Variants in ADAMTSL1 observed in about 807,000 individuals in gnomAD.
ADAMTSL1 encodes ADAMTS like 1.
Under a neutral mutation model 201.8 loss-of-function variants are expected in ADAMTSL1, and 126 were observed. The ratio of observed to expected loss-of-function variants is 0.62; its 90% CI spans 0.54 to 0.72. ADAMTSL1 has a LOEUF of 0.72. Among genes scored for constraint, ADAMTSL1 ranks in the 30% least tolerant of loss-of-function variants. The pLI is 0.00. For synonymous variants in ADAMTSL1, 1,121 were observed against 903.4 expected, an observed-to-expected ratio of 1.24 and a Z score of -4.32; for missense variants, 2,679 against 2,277.8, an observed-to-expected ratio of 1.18 and a Z score of -3.59.
chr9:18,179,804 C>A (rs201393799), intron 2 of ADAMTSL1, among the ~76,000 whole-genome samples: 2 of 151,246 alleles, frequency 1.3e-5, no homozygotes, highest in Non-Finnish European at 3.0e-5. Flanking sequence ...GAAATAAAAT[C>A]CTTTACAGAC....
chr9:18,325,832 C>A lies in ADAMTSL1; in HGVS notation c.207+161851C>A, dbSNP rs183071665. Among the ~76,000 whole-genome samples the A allele has an allele frequency of 4.4e-3, 665 of 152,264 alleles. 2 individuals are homozygous for A. The highest frequency in any genetic ancestry group is 0.024 in the Middle Eastern group (7 of 294). ...CTCTGCTCACTGCAACCTCCGCCCC[C>A]AGGATTCAAGCGATTCTCCTGCCTC... On this transcript the variant is annotated intron_variant, in intron 2 of 29. Coordinates refer to the ADAMTSL1 transcript ENST00000680146.
intron 1 of ADAMTSL1, among the ~76,000 whole-genome samples, chr9:18,134,654 C>A (rs1471993796): frequency 6.6e-6 from 1 of 152,114 alleles, no homozygotes. Context: ...CAAAACTTGC[C>A]AGTGGGTGTG....
intron 2 of ADAMTSL1, among the ~76,000 whole-genome samples, chr9:18,520,108 T>C (rs1818603087): frequency 6.6e-6 from 1 of 152,184 alleles, no homozygotes; most frequent in Non-Finnish European, 1.5e-5. Context: ...ATTTGAAACT[T>C]AAAGGACAAA....
At chr9:18,271,232 GA>G (rs1166123704) in intron 2 of ADAMTSL1, among the ~76,000 whole-genome samples, 2 of 152,124 alleles carry the variant, frequency 1.3e-5, no homozygotes, top group Non-Finnish European at 2.9e-5. Context: ...TGCACAACGT[GA>G]AGGTTTGTTA....
At chr9:18,602,088 T>A (rs890268396) in intron 4 of ADAMTSL1, among the ~76,000 whole-genome samples, 6 of 152,236 alleles carry the variant, frequency 3.9e-5, no homozygotes, top group African/African-American at 1.4e-4. Context: ...ATAAGAAATG[T>A]CTTCCTAGTT....
chr9:18,351,211 G>A (rs1019039062), intron 2 of ADAMTSL1, among the ~76,000 whole-genome samples: 8 of 150,772 alleles, frequency 5.3e-5, no homozygotes, highest in African/African-American at 2.0e-4. Flanking sequence ...AGCAGGTCAG[G>A]TTCCTTGGGA....
intron 15 of ADAMTSL1, among the ~76,000 whole-genome samples, chr9:18,741,044 G>A (rs945553413): frequency 1.3e-5 from 2 of 151,998 alleles, no homozygotes; most frequent in African/African-American, 4.8e-5. Flanking sequence ...TAGACTCTGT[G>A]CCCCAAGGAA....
intron 2 of ADAMTSL1, among the ~76,000 whole-genome samples, chr9:18,287,568 T>C (rs536041034): frequency 6.7e-6 from 1 of 149,302 alleles, no homozygotes; most frequent in African/African-American, 2.5e-5. Context: ...AAATATTACA[T>C]ATATGTAAAT....
At chr9:18,298,421 A>G (rs923021869) in intron 2 of ADAMTSL1, among the ~76,000 whole-genome samples, 15 of 152,312 alleles carry the variant, frequency 9.8e-5, no homozygotes, top group African/African-American at 3.4e-4. Context: ...GCTGCTTTGA[A>G]TCCAGTAGCA....
intron 13 of ADAMTSL1, among the ~76,000 whole-genome samples, chr9:18,695,516 A>T (rs1178749294): frequency 6.6e-6 from 1 of 152,230 alleles, no homozygotes; most frequent in Non-Finnish European, 1.5e-5. Flanking sequence ...TCCAGGTCAC[A>T]TCTGGAACAC....
intron 1 of ADAMTSL1, among the ~76,000 whole-genome samples, chr9:17,940,728 G>GAAAAAAAAAAAAAAAAA (rs201856497): frequency 1.3e-5 from 1 of 79,454 alleles, no homozygotes; most frequent in Admixed American, 1.6e-4. Flanking sequence ...AAAAAAAAAA[G>GAAAAAAAAAAAAAAAAA]AAAAAAAAGA....
chr9:18,443,056 G>C (rs1787793566), intron 2 of ADAMTSL1, among the ~76,000 whole-genome samples: 1 of 152,098 alleles, frequency 6.6e-6, no homozygotes, highest in Admixed American at 6.6e-5. Flanking sequence ...CATTGCCACT[G>C]ACATCTGCTT....
At chr9:18,823,771 C>G (rs1824360498) in intron 21 of ADAMTSL1, among the ~76,000 whole-genome samples, 1 of 152,188 alleles carries the variant, frequency 6.6e-6, no homozygotes, top group Admixed American at 6.5e-5. Flanking sequence ...GGTGGATCAT[C>G]TGAGGTCAGG....
At chr9:18,165,268 G>T (rs1827582597) in intron 2 of ADAMTSL1, among the ~76,000 whole-genome samples, 1 of 151,810 alleles carries the variant, frequency 6.6e-6, no homozygotes, top group African/African-American at 2.4e-5. Context: ...TTTATGCAAA[G>T]TCCTGGCAAG....
chr9:18,438,727 C>T (rs916619827), intron 2 of ADAMTSL1, among the ~76,000 whole-genome samples: 6 of 152,182 alleles, frequency 3.9e-5, no homozygotes, highest in African/African-American at 1.4e-4. Flanking sequence ...TCCTCCGCAG[C>T]TAGTGAGGAC....
At chr9:18,549,229 A>G (rs749377886) in intron 3 of ADAMTSL1, among the ~76,000 whole-genome samples, 5 of 149,904 alleles carry the variant, frequency 3.3e-5, no homozygotes, top group Non-Finnish European at 5.9e-5. Context: ...AAGCTACCAG[A>G]GAAAAGACAG....
intron 2 of ADAMTSL1, among the ~76,000 whole-genome samples, chr9:18,532,010 A>G (rs1461703033): frequency 6.6e-6 from 1 of 152,216 alleles, no homozygotes; most frequent in African/African-American, 2.4e-5. Flanking sequence ...AGAATATTAA[A>G]TAAATTTATA....
chr9:18,336,847 G>C (rs1392596877), intron 2 of ADAMTSL1, among the ~76,000 whole-genome samples: 4 of 152,006 alleles, frequency 2.6e-5, no homozygotes, highest in Non-Finnish European at 5.9e-5. Context: ...CATCTCATTG[G>C]GACCATGTGG....
intron 2 of ADAMTSL1, among the ~76,000 whole-genome samples, chr9:18,297,873 A>C (rs1371548175): frequency 6.6e-6 from 1 of 152,246 alleles, no homozygotes; most frequent in Non-Finnish European, 1.5e-5. Flanking sequence ...GAACCGCAGC[A>C]AAAGTCTTCT....
Sources: gnomAD v4.1 joint callset for allele counts (sites outside exome capture counted in the v4.1 genomes callset) on GRCh38, gnomAD v4.1.1 for gene constraint, MANE v1.5 for transcripts, NCBI Gene and HGNC (gene_info 2026-07-23, HGNC 2026-07-21) for gene names.